Variants in SCN11A observed in about 807,000 individuals in gnomAD.
SCN11A encodes the protein sodium channel protein type 11 subunit alpha.
A neutral mutation model predicts 162.2 loss-of-function variants in SCN11A; 122 were observed. The ratio of observed to expected loss-of-function variants is 0.75; its 90% CI spans 0.65 to 0.87. The LOEUF (loss-of-function observed/expected upper bound fraction) is 0.87. Ranked by LOEUF, SCN11A falls within the 40% of genes least tolerant of loss-of-function variation. The pLI, the probability that SCN11A is intolerant of heterozygous loss-of-function variation, is 0.00. For synonymous variants in SCN11A, 758 were observed against 751.5 expected (o/e 1.01, Z -0.14); for missense variants, 2,015 against 2,181.6 (o/e 0.92, Z 1.52).
intron 2 of SCN11A, among the ~76,000 whole-genome samples, chr3:39,031,219 T>C (rs1466660430): frequency 2.0e-5 from 3 of 152,234 alleles, no homozygotes; most frequent in Admixed American, 1.3e-4. Context: ...TTGTAAATAC[T>C]GTATTTAAAA....
chr3:38,963,338 A>G (rs1213072580), intron 2 of SCN11A, among the ~76,000 whole-genome samples: 1 of 137,494 alleles, frequency 7.3e-6, no homozygotes, highest in African/African-American at 2.6e-5. Flanking sequence ...TAAAGAAACT[A>G]TATCTATTTG....
intron 2 of SCN11A, among the ~76,000 whole-genome samples, chr3:38,991,660 C>T (rs1053310877): frequency 5.3e-5 from 8 of 152,180 alleles, no homozygotes; most frequent in East Asian, 1.9e-4. Flanking sequence ...AATTTGGAAG[C>T]GGAGTTGATG....
rs774413656 is a variant in SCN11A at position 38,995,799 on chromosome 3, G to GTCTATCTATCTGTCTGTCTATCTA, written c.-279-35377_-279-35376insTAGATAGACAGACAGATAGATAGA. ...GTGAGCCAATTTCTCACAATAAATT[G>GTCTATCTATCTGTCTGTCTATCTA]TCTATCTATCTATCTATCTGTCTAT... is the stretch of plus-strand genomic sequence containing the variant. On this transcript the variant is annotated intron_variant, in intron 2 of 29. Coordinates refer to ENST00000302328, the MANE Select transcript of SCN11A (RefSeq NM_001349253.2). Among the ~76,000 whole-genome samples, 356 of 131,468 alleles carry GTCTATCTATCTGTCTGTCTATCTA rather than the reference G, an allele frequency of 2.7e-3. 1 individual carries two copies. Among genetic ancestry groups the GTCTATCTATCTGTCTGTCTATCTA allele is most frequent in the African/African-American group, 0.01 (340 of 33,166 alleles). The allele number at this position is 131,468 out of a possible 152,430, so 86.2% of individuals were successfully genotyped here.
Position 38,850,485 on chromosome 3 carries a change from A to G in SCN11A, c.4323T>C (p.Ile1441=), listed in dbSNP as rs373773107. 4.3e-5 allele frequency: 70 copies of G among 1,611,314 alleles called. No individual in the cohort carries two copies. The highest frequency in any genetic ancestry group is 5.9e-5 in the Non-Finnish European group (69 of 1,178,466). Residue 1441 remains isoleucine (I), a synonymous_variant, in exon 29 of 30, where the codon ATT becomes ATC. Coordinates refer to ENST00000302328, the MANE Select transcript of SCN11A (RefSeq NM_001349253.2). ...CTGACTGCTGATTTTACTTACTAAC[A>G]ATGGAAAGAAGCACGACCACACAGT... ...LFDCVVVLLS[I]VSTMISTLEN...
At chr3:38,957,665 G>A (rs1445209434) in intron 3 of SCN11A, among the ~76,000 whole-genome samples, 1 of 152,216 alleles carries the variant, frequency 6.6e-6, no homozygotes, top group Non-Finnish European at 1.5e-5. Context: ...CTGCTCTTCT[G>A]TAGACTGGCC....
At chr3:38,943,980 A>T (rs2066478552) in intron 7 of SCN11A, among the ~76,000 whole-genome samples, 2 of 152,258 alleles carry the variant, frequency 1.3e-5, no homozygotes, top group African/African-American at 2.4e-5. Context: ...AATGTTTCCA[A>T]TACAAGGAAA....
Position 38,885,420 on chromosome 3 carries a change from ACGAAGGG to A in SCN11A, c.2950-25_2950-19del. 1 of 1,417,144 alleles carries A rather than the reference ACGAAGGG, an allele frequency of 7.1e-7. No individual in the cohort carries two copies. Among genetic ancestry groups the A allele is most frequent in the Non-Finnish European group, 1.0e-6 (1 of 1,000,964 alleles). 87.8% of individuals were successfully genotyped at this position (1,417,144 alleles called of 1,614,324 possible). Reference sequence around the variant, plus strand: ...TCAGACTTCTGCACATCAGAACAAAACGAAGGGGGTGCCTTTTACTAAGACCTTCTTT... The same window carrying A: ...TCAGACTTCTGCACATCAGAACAAAAGGTGCCTTTTACTAAGACCTTCTTT... On this transcript the variant is annotated intron_variant, in intron 20 of 29. Coordinates refer to ENST00000302328, the MANE Select transcript of SCN11A (RefSeq NM_001349253.2).
At chr3:38,918,175 T>C (rs1485594054) in intron 11 of SCN11A, among the ~76,000 whole-genome samples, 1 of 151,918 alleles carries the variant, frequency 6.6e-6, no homozygotes, top group East Asian at 1.9e-4. Context: ...GTCTAGGTTA[T>C]ACACCCCACG....
intron 23 of SCN11A, among the ~76,000 whole-genome samples, chr3:38,876,178 A>T (rs531073106): frequency 6.6e-6 from 1 of 152,276 alleles, no homozygotes; most frequent in South Asian, 2.1e-4. Context: ...ATGAAACTGG[A>T]TCCTCATCTC....
intron 5 of SCN11A, 138 bp downstream of exon 5, chr3:38,949,957 AG>A: frequency 1.6e-6 from 1 of 621,098 alleles, no homozygotes; most frequent in Non-Finnish European, 2.8e-6. Flanking sequence ...AGGCAATGCC[AG>A]GGGATGACAG....
intron 7 of SCN11A, among the ~76,000 whole-genome samples, chr3:38,927,794 A>G (rs2066167555): frequency 6.6e-6 from 1 of 152,216 alleles, no homozygotes; most frequent in Non-Finnish European, 1.5e-5. Flanking sequence ...TTACGAGAAT[A>G]GCATGGGGGA....
intron 17 of SCN11A, among the ~76,000 whole-genome samples, chr3:38,898,916 T>A (rs910740592): frequency 3.5e-4 from 53 of 152,210 alleles, no homozygotes; most frequent in African/African-American, 1.3e-3. Flanking sequence ...CTGGCTGTAA[T>A]AAGCCTAAAC....
At chr3:38,935,151 G>T (rs1190298034) in intron 7 of SCN11A, among the ~76,000 whole-genome samples, 1 of 152,022 alleles carries the variant, frequency 6.6e-6, no homozygotes, top group Non-Finnish European at 1.5e-5. Flanking sequence ...CGAAATGAAG[G>T]CAGAAATAAA....
chr3:38,993,245 G>T (rs1024460311), intron 2 of SCN11A, among the ~76,000 whole-genome samples: 9 of 152,088 alleles, frequency 5.9e-5, no homozygotes, highest in Non-Finnish European at 1.3e-4. Flanking sequence ...GACAACATAC[G>T]CCAGACACTG....
At position 38,896,889 on chromosome 3, in the gene SCN11A, A is replaced by G. The variant is rs758506159; in HGVS notation, c.2359T>C (p.Cys787Arg). ...MQEANASSSL[C>R]VIVFILITVI... is the part of the protein sequence containing the mutation. The stretch of plus-strand genomic sequence containing the variant: ...GTGATCAATATGAAGACAATAACAC[A>G]CAATGATGATGATGCATTCGCTTCT... The change falls in exon 18 of 30, where the codon TGT becomes CGT. Residue 787 changes from cysteine to arginine, a missense_variant. By Grantham distance (180) the Cys-to-Arg change is radical. Coordinates refer to ENST00000302328, the MANE Select transcript of SCN11A (RefSeq NM_001349253.2). 80 of 1,612,100 alleles carry G rather than the reference A, an allele frequency of 5.0e-5. No homozygotes were observed. The Admixed American group carries it at 1.2e-3, about 25-fold the overall frequency.
chr3:38,979,039 TCTCCTTCA>T (rs1323537709), intron 2 of SCN11A, among the ~76,000 whole-genome samples: 1 of 152,246 alleles, frequency 6.6e-6, no homozygotes, highest in African/African-American at 2.4e-5. Flanking sequence ...GCTGTGGGTC[TCTCCTTCA>T]TAGCACTTTT....
At chr3:38,982,067 A>G (rs1479733844) in intron 2 of SCN11A, among the ~76,000 whole-genome samples, 1 of 152,098 alleles carries the variant, frequency 6.6e-6, no homozygotes, top group Admixed American at 6.6e-5. Context: ...AGACAAACAA[A>G]ACCACAAGGG....
At chr3:38,909,657 A>G (rs1281466859) in intron 12 of SCN11A, among the ~76,000 whole-genome samples, 2 of 143,166 alleles carry the variant, frequency 1.4e-5, no homozygotes, top group African/African-American at 5.3e-5. Flanking sequence ...ATCTCGGCTC[A>G]TTGCAACCTC....
chr3:38,867,507 AT>A, intron 26 of SCN11A, 49 bp from the exon 27 acceptor site: 2 of 1,455,496 alleles, frequency 1.4e-6, no homozygotes, highest in Non-Finnish European at 1.9e-6. Flanking sequence ...CTGGAGAAAA[AT>A]ATAAGCATTC....
Sources: allele counts gnomAD v4.1 joint callset (sites outside exome capture counted in the v4.1 genomes callset), GRCh38; gene constraint gnomAD v4.1.1; transcripts MANE v1.5; gene names NCBI Gene and HGNC (gene_info 2026-07-23, HGNC 2026-07-21).